The following DHX9 variants were observed in gnomAD, a reference collection of about 807,000 sequenced individuals.
The protein encoded by DHX9 is DExH-box helicase 9, also known as ATP-dependent RNA helicase A.
DHX9 carries 27 observed loss-of-function variants against 148.7 expected under a neutral mutation model. The ratio of observed to expected loss-of-function variants is 0.18; its 90% CI spans 0.13 to 0.25. DHX9 has a LOEUF of 0.25. DHX9 is among the 10% of genes least tolerant of loss of function. DHX9 has a pLI of 1.00. For synonymous variants in DHX9, 529 were observed against 516.6 expected (o/e 1.02, Z -0.33); for missense variants, 796 against 1,559.6 (o/e 0.51, Z 8.25).
chr1:182,853,015 C>T (rs1422053331), intron 4 of DHX9, among the ~76,000 whole-genome samples: 26 of 108,214 alleles, frequency 2.4e-4, no homozygotes, highest in Admixed American at 2.2e-3. Context: ...CAACCTCCAC[C>T]TCCCAGGTTC....
At chr1:182,850,035 T>A (rs571012306) in intron 3 of DHX9, among the ~76,000 whole-genome samples, 80 of 141,498 alleles carry the variant, frequency 5.7e-4, no homozygotes, top group Non-Finnish European at 1.1e-3. Context: ...ATTGATAACA[T>A]CCTCCAACCC....
chr1:182,880,721 C>A, intron 22 of DHX9, 113 bp downstream of exon 22: 1 of 678,994 alleles, frequency 1.5e-6, no homozygotes, highest in Non-Finnish European at 2.5e-6. Flanking sequence ...CCTAAATGTT[C>A]TTCAGGGAAG....
At chr1:182,883,866 C>T (rs1238655609) in intron 26 of DHX9, among the ~76,000 whole-genome samples, 2 of 152,082 alleles carry the variant, frequency 1.3e-5, no homozygotes. Flanking sequence ...GCTTGAGTAC[C>T]CTTTCACATA....
At chr1:182,841,302 GAGAGA>G (rs1222245258) in intron 1 of DHX9, among the ~76,000 whole-genome samples, 1 of 149,730 alleles carries the variant, frequency 6.7e-6, no homozygotes, top group African/African-American at 2.5e-5. Flanking sequence ...AAAAAAAAAA[GAGAGA>G]AAAGACTAAA....
At chr1:182,881,202 C>A in intron 22 of DHX9, 62 bp from the exon 23 acceptor site, 1 of 1,545,962 alleles carries the variant, frequency 6.5e-7, no homozygotes, top group Non-Finnish European at 8.8e-7. Flanking sequence ...GACAGTCCTA[C>A]CTGAGCTGCT....
chr1:182,887,527 A>G lies in DHX9; in HGVS notation c.*93A>G. 1 of 1,180,498 alleles carries G rather than the reference A, an allele frequency of 8.5e-7. No individual in the cohort carries two copies. Among genetic ancestry groups the G allele is most frequent in the Non-Finnish European group, 1.2e-6 (1 of 843,698 alleles). 73.1% of individuals were successfully genotyped at this position (1,180,498 alleles called of 1,614,324 possible). On this transcript the variant is annotated 3_prime_UTR_variant, in exon 28 of 28. Transcript: ENST00000367549. ...TTTTCCAGTATGTTTATTTGCCACC[A>G]AAAAGTAAATGCATTTTCACCCATT... is the stretch of plus-strand genomic sequence containing the variant.
intron 15 of DHX9, 78 bp from the exon 16 acceptor site, chr1:182,874,776 A>G (rs1648688015): frequency 2.6e-6 from 3 of 1,157,622 alleles, no homozygotes; most frequent in East Asian, 2.4e-5. Context: ...GTTTTGAACT[A>G]TGAATTAGCA....
intron 5 of DHX9, among the ~76,000 whole-genome samples, chr1:182,853,794 T>A (rs909155640): frequency 7.7e-6 from 1 of 129,972 alleles, no homozygotes; most frequent in South Asian, 2.5e-4. Flanking sequence ...GAAGTTGTCA[T>A]TTTTTTTTTT....
chr1:182,874,042 C>T (rs961281386), intron 15 of DHX9, among the ~76,000 whole-genome samples: 1 of 152,194 alleles, frequency 6.6e-6, no homozygotes, highest in African/African-American at 2.4e-5. Flanking sequence ...TGTGTCTATA[C>T]TGATATGTAA....
At chr1:182,885,188 G>T (rs951928112) in intron 27 of DHX9, among the ~76,000 whole-genome samples, 6 of 152,110 alleles carry the variant, frequency 3.9e-5, no homozygotes, top group Admixed American at 6.5e-5. Flanking sequence ...AATTGTTTCT[G>T]TATCAAATGT....
chr1:182,867,299 C>T (rs1648338600), intron 14 of DHX9, among the ~76,000 whole-genome samples: 1 of 152,084 alleles, frequency 6.6e-6, no homozygotes, highest in African/African-American at 2.4e-5. Flanking sequence ...TATTAGCTGG[C>T]ATAATTCAGC....
intron 14 of DHX9, among the ~76,000 whole-genome samples, chr1:182,872,088 G>A (rs1648574742): frequency 6.6e-6 from 1 of 152,182 alleles, no homozygotes; most frequent in Non-Finnish European, 1.5e-5. Flanking sequence ...TTACAGGTGT[G>A]AGCCACTGGG....
chr1:182,850,402 C>T (rs1265552710), intron 3 of DHX9, among the ~76,000 whole-genome samples: 1 of 151,976 alleles, frequency 6.6e-6, no homozygotes, highest in African/African-American at 2.4e-5. Context: ...CAAGACCAGC[C>T]TCAGCAACAT....
At chr1:182,869,462 C>G (rs1236475170) in intron 14 of DHX9, among the ~76,000 whole-genome samples, 1 of 151,972 alleles carries the variant, frequency 6.6e-6, no homozygotes, top group African/African-American at 2.4e-5. Flanking sequence ...TGATGCTGAC[C>G]AGTCTTACCC....
Position 182,858,814 on chromosome 1 carries a change from G to GGT in DHX9, c.986_987dup (p.Val330TrpfsTer32), listed in dbSNP as rs1359583792. On this transcript the variant is annotated frameshift_variant, in exon 10 of 28. Transcript: ENST00000367549. LOFTEE classifies it high-confidence loss of function. ...ACCATCTCAGCGACAAAACCAAGTG[G>GGT]GTGTGGTTCCTTGGTCACCTCCACA... is the stretch of plus-strand genomic sequence containing the variant. 6.2e-7 allele frequency: 1 copy of GGT among 1,613,942 alleles called. No homozygotes were observed. The highest frequency in any genetic ancestry group is 8.5e-7 in the Non-Finnish European group (1 of 1,180,030).
rs1668290880 is a variant in DHX9 at position 182,858,240 on chromosome 1, A to G, written c.810A>G (p.Thr270=). The part of the protein sequence containing the change: ...SGLTKKKEGE[T]VEPYKVNLSQ... Reference sequence around the variant, plus strand: ...TTACAAAGAAGAAGGAAGGAGAGACAGTGAGTCTTTAGATTTAATAGACTT... The same window carrying G: ...TTACAAAGAAGAAGGAAGGAGAGACGGTGAGTCTTTAGATTTAATAGACTT... Residue 270 remains threonine, a splice_region_variant and synonymous_variant, in exon 8 of 28, where the codon ACA becomes ACG. Coordinates refer to ENST00000367549, the MANE Select transcript of DHX9 (RefSeq NM_001357.5). 6 of 1,612,718 alleles carry G rather than the reference A, an allele frequency of 3.7e-6. No individual in the cohort carries two copies. Among genetic ancestry groups the G allele is most frequent in the Non-Finnish European group, 4.2e-6 (5 of 1,179,668 alleles).
At chr1:182,855,923 A>ATAT (rs1668242694) in intron 6 of DHX9, among the ~76,000 whole-genome samples, 1 of 152,196 alleles carries the variant, frequency 6.6e-6, no homozygotes, top group African/African-American at 2.4e-5. Context: ...ATAATGTTAC[A>ATAT]ACATGTGTTT....
intron 11 of DHX9, 46 bp from the exon 12 acceptor site, chr1:182,859,947 A>G (rs776794399): frequency 9.0e-6 from 14 of 1,558,222 alleles, no homozygotes; most frequent in Non-Finnish European, 1.2e-5. Flanking sequence ...AGTTGCTTCT[A>G]ATGTGTTGGT....
rs1386722753 is a variant in DHX9 at position 182,875,178 on chromosome 1, C to G, written c.1815+224C>G. On this transcript the variant is annotated intron_variant, in intron 16 of 27. Transcript: ENST00000367549. ...GTTAAATTATCTCTGGCGTAAAGAT[C>G]AAAGGAAAAAGAAGAAAGAATGCGA... The G allele has an allele frequency of 8.9e-6, 5 of 560,588 alleles. No individual in the cohort carries two copies. In the African/African-American group the frequency reaches 9.4e-5, roughly 10 times the overall value. 34.7% of individuals were successfully genotyped at this position (560,588 alleles called of 1,614,324 possible).
Sources: allele counts gnomAD v4.1 joint callset (sites outside exome capture counted in the v4.1 genomes callset), GRCh38; gene constraint gnomAD v4.1.1; transcripts MANE v1.5; gene names NCBI Gene and HGNC (gene_info 2026-07-23, HGNC 2026-07-21).